The following NLRP11 variants were observed in gnomAD, a reference collection of about 807,000 sequenced individuals.
NLRP11 encodes NLR family pyrin domain containing 11.
Under a neutral mutation model 79.3 loss-of-function variants are expected in NLRP11, and 53 were observed. The ratio of observed to expected loss-of-function variants is 0.67; its 90% confidence interval spans 0.54 to 0.84. NLRP11 has a LOEUF of 0.84. NLRP11 is among the 40% of genes least tolerant of loss of function. The probability of loss-of-function intolerance (pLI) is 0.00; values close to 1 mark genes in which losing one functional copy is unlikely to be tolerated. For missense variants in NLRP11, 1,264 were observed against 1,255.0 expected (o/e 1.01, Z -0.11); for synonymous variants, 518 against 462.6 (o/e 1.12, Z -1.54).
exon 2 of NLRP11, chr19:55,817,972 A>T: frequency 6.2e-7 from 1 of 1,613,120 alleles, no homozygotes. Flanking sequence ...GCTGAAGAGC[A>T]TATTCCATAT....
At chr19:55,794,013 G>T (rs559762279) in intron 6 of NLRP11, among the ~76,000 whole-genome samples, 3 of 152,186 alleles carry the variant, frequency 2.0e-5, no homozygotes, top group African/African-American at 7.2e-5. Context: ...TTTCTTTCAC[G>T]TTCTTAGGCT....
At chr19:55,828,018 A>G (rs1982396002) in intron 1 of NLRP11, among the ~76,000 whole-genome samples, 1 of 151,138 alleles carries the variant, frequency 6.6e-6, no homozygotes, top group East Asian at 1.9e-4. Context: ...AACCAACCCA[A>G]ATGTCCAACA....
intron 2 of NLRP11, among the ~76,000 whole-genome samples, chr19:55,816,703 C>T (rs1981148468): frequency 6.6e-6 from 1 of 152,192 alleles, no homozygotes; most frequent in South Asian, 2.1e-4. Context: ...CACAGAGCCC[C>T]TACTTTTCTG....
At chr19:55,792,564 G>T in intron 6 of NLRP11, 93 bp from the exon 7 acceptor site, 1 of 851,406 alleles carries the variant, frequency 1.2e-6, no homozygotes, top group Non-Finnish European at 1.9e-6. Context: ...GCGCCTCGAT[G>T]CCTTCTACTG....
intron 2 of NLRP11, among the ~76,000 whole-genome samples, 154 bp downstream of exon 2, chr19:55,817,750 G>A (rs1174329771): frequency 6.8e-6 from 1 of 146,104 alleles, no homozygotes; most frequent in Non-Finnish European, 1.5e-5. Context: ...GGATGCCAAA[G>A]TTTTAGAAAT....
chr19:55,805,074 CAAAT>C (rs2122791121), intron 4 of NLRP11, among the ~76,000 whole-genome samples: 1 of 151,996 alleles, frequency 6.6e-6, no homozygotes, highest in East Asian at 1.9e-4. Flanking sequence ...AAAATAATAA[CAAAT>C]AATTCACAAT....
intron 5 of NLRP11, 53 bp from the exon 6 acceptor site, chr19:55,796,303 T>A: frequency 1.1e-3 from 1,212 of 1,143,006 alleles, no homozygotes; most frequent in Middle Eastern, 1.4e-3. Flanking sequence ...AGCTATCCCC[T>A]CTTTTAAATT....
At chr19:55,804,713 A>C (rs1979816090) in intron 4 of NLRP11, among the ~76,000 whole-genome samples, 1 of 152,176 alleles carries the variant, frequency 6.6e-6, no homozygotes, top group Non-Finnish European at 1.5e-5. Context: ...AACCTGTGAC[A>C]CAAGTTTACC....
At chr19:55,829,021 A>G (rs1046085811) in intron 1 of NLRP11, among the ~76,000 whole-genome samples, 3 of 152,200 alleles carry the variant, frequency 2.0e-5, no homozygotes, top group East Asian at 1.9e-4. Context: ...TAACACACGT[A>G]TATACAAAAT....
At chr19:55,798,185 G>A (rs533420883) in intron 5 of NLRP11, 1 of 226,480 alleles carries the variant, frequency 4.4e-6, no homozygotes, top group South Asian at 1.6e-4. Context: ...TTTTAGTAGA[G>A]ACGAGGTTTC....
chr19:55,807,409 T>C (rs1980102525), intron 4 of NLRP11, among the ~76,000 whole-genome samples: 2 of 152,188 alleles, frequency 1.3e-5, no homozygotes, highest in South Asian at 4.1e-4. Context: ...CATTTTTGCT[T>C]TCTTCCTTAG....
At chr19:55,789,053 A>G (rs1207026665) in intron 8 of NLRP11, 76 bp from the exon 9 acceptor site, 1 of 1,526,676 alleles carries the variant, frequency 6.6e-7, no homozygotes, top group African/African-American at 1.4e-5. Flanking sequence ...TGAGAACTGG[A>G]CATCTACTAG....
At chr19:55,830,112 C>A (rs1452667282) in intron 1 of NLRP11, among the ~76,000 whole-genome samples, 1 of 152,144 alleles carries the variant, frequency 6.6e-6, no homozygotes, top group Non-Finnish European at 1.5e-5. Flanking sequence ...GTTCAAGGGT[C>A]CACTGTAAAT....
At chr19:55,808,973 A>C (rs1980286495) in exon 3 of NLRP11, 1 of 1,614,056 alleles carries the variant, frequency 6.2e-7, no homozygotes, top group South Asian at 1.1e-5. Flanking sequence ...GAGACAGTAA[A>C]ACAAAGGCAT....
rs766232344 is a variant in NLRP11, at chr19:55,809,031, C to T, written c.1579G>A (p.Gly527Arg). 2.5e-6 allele frequency: 4 copies of T among 1,613,836 alleles called. No individual in the cohort carries two copies. Among genetic ancestry groups the T allele is most frequent in the Non-Finnish European group, 3.4e-6 (4 of 1,179,958 alleles). ...TCACGGTCCAAATGTTTCATGTATCCCACCGAGTACCACTTGAAGCTGTCT... is the reference window on the plus strand; with the variant it reads ...TCACGGTCCAAATGTTTCATGTATCTCACCGAGTACCACTTGAAGCTGTCT... Residue 527 changes from glycine to arginine, a missense_variant, in exon 3 of 10, where the codon GGA becomes AGA. Gly to Arg is a moderately radical substitution (Grantham distance 125, BLOSUM62 -2). Coordinates refer to ENST00000589093, the Ensembl canonical transcript of NLRP11. This position sits in a 1 kb window ranked among gnomAD's most constrained non-coding sequence, Gnocchi z 4.5.
chr19:55,794,827 T>G (rs541363447), intron 6 of NLRP11, among the ~76,000 whole-genome samples: 34 of 152,286 alleles, frequency 2.2e-4, no homozygotes, highest in African/African-American at 7.9e-4. Context: ...GTTTCTGGTG[T>G]TATCCTGCAA....
rs780071532 is a variant in NLRP11 at position 55,809,829 on chromosome 19, T to A, written c.781A>T (p.Ser261Cys). 1 of 1,614,208 alleles carries A rather than the reference T, an allele frequency of 6.2e-7. No homozygotes were observed. Among genetic ancestry groups the A allele is most frequent in the Non-Finnish European group, 8.5e-7 (1 of 1,180,020 alleles). The change falls in exon 3 of 10, where the codon AGT (serine) becomes TGT (cysteine). Residue 261 changes from serine (S) to cysteine (C), a missense_variant. By Grantham distance (112) the Ser-to-Cys change is moderately radical. Transcript: ENST00000589093. This position sits in a 1 kb window ranked among gnomAD's most constrained non-coding sequence, Gnocchi z 4.5. Reference sequence around the variant, plus strand: ...GGAGCCATTTTTCTCTTCAGCAAACTGACCAGGAGAACTGGAATGGGAACT... The same window carrying A: ...GGAGCCATTTTTCTCTTCAGCAAACAGACCAGGAGAACTGGAATGGGAACT...
At chr19:55,794,969 CA>C (rs1308434145) in intron 6 of NLRP11, among the ~76,000 whole-genome samples, 1 of 151,990 alleles carries the variant, frequency 6.6e-6, no homozygotes, top group Non-Finnish European at 1.5e-5. Flanking sequence ...ATGGGCGAAA[CA>C]AAAAAACAAG....
intron 1 of NLRP11, among the ~76,000 whole-genome samples, chr19:55,822,285 G>A (rs1030127405): frequency 1.1e-4 from 16 of 150,250 alleles, no homozygotes; most frequent in African/African-American, 1.7e-4. Context: ...AAAAAAGATT[G>A]CCTTAGTCTC....
Sources: gnomAD v4.1 joint callset for allele counts (sites outside exome capture counted in the v4.1 genomes callset) on GRCh38, gnomAD v4.1.1 for gene constraint, Gnocchi (gnomAD v3.1) non-coding constraint, MANE v1.5 for transcripts, NCBI Gene and HGNC (gene_info 2026-07-23, HGNC 2026-07-21) for gene names.